The following PDE1C variants were observed in gnomAD, a reference collection of about 807,000 sequenced individuals.
PDE1C encodes phosphodiesterase 1C.
Under a neutral mutation model 93.1 loss-of-function variants are expected in PDE1C, and 62 were observed. The ratio of observed to expected loss-of-function variants is 0.67; its 90% confidence interval spans 0.54 to 0.82. PDE1C has a LOEUF of 0.82. Ranked by LOEUF, PDE1C falls within the 40% of genes least tolerant of loss-of-function variation. The pLI, the probability that PDE1C is intolerant of heterozygous loss-of-function variation, is 0.00. For missense variants in PDE1C, 742 were observed against 884.6 expected, an observed-to-expected ratio of 0.84 and a Z score of 2.04; for synonymous variants, 325 against 310.1, an observed-to-expected ratio of 1.05 and a Z score of -0.50.
At chr7:31,778,391 C>T (rs1783162289) in intron 16 of PDE1C, among the ~76,000 whole-genome samples, 1 of 152,130 alleles carries the variant, frequency 6.6e-6, no homozygotes, top group African/African-American at 2.4e-5. Context: ...TCTCATTTGA[C>T]CTTTGGGATA....
At chr7:31,956,188 G>T (rs1180687452) in intron 2 of PDE1C, among the ~76,000 whole-genome samples, 1 of 152,018 alleles carries the variant, frequency 6.6e-6, no homozygotes, top group African/African-American at 2.4e-5. Flanking sequence ...CCGCCTCCCA[G>T]GTTCAAGTGA....
chr7:31,838,015 T>A (rs780643547), intron 9 of PDE1C, 44 bp from the exon 10 acceptor site: 2 of 1,304,106 alleles, frequency 1.5e-6, no homozygotes, highest in African/African-American at 2.9e-5. Context: ...AAGTCAAAAA[T>A]GGAAAGTAAA....
chr7:31,943,714 G>A (rs976565587), intron 2 of PDE1C, among the ~76,000 whole-genome samples: 4 of 152,106 alleles, frequency 2.6e-5, no homozygotes, highest in Admixed American at 2.0e-4. Context: ...TCAGAGGCAT[G>A]TGAGTGAGGA....
chr7:31,965,334 G>A (rs368912271), intron 2 of PDE1C, among the ~76,000 whole-genome samples: 14 of 152,180 alleles, frequency 9.2e-5, no homozygotes, highest in African/African-American at 1.4e-4. Context: ...TAGCCGATGC[G>A]ATCAACTGGA....
intron 16 of PDE1C, among the ~76,000 whole-genome samples, chr7:31,807,316 C>A (rs1786976168): frequency 6.6e-6 from 1 of 151,810 alleles, no homozygotes; most frequent in African/African-American, 2.4e-5. Flanking sequence ...GCTTACTGCC[C>A]CATGAGATCC....
intron 4 of PDE1C, among the ~76,000 whole-genome samples, chr7:31,878,317 C>T (rs2041515): frequency 0.99 from 151,065 of 152,306 alleles, 74,921 homozygotes; most frequent in East Asian, 1. Context: ...TCACTTCTTC[C>T]GCCAGAGTGA....
chr7:32,032,991 G>A (rs1173904446), intron 2 of PDE1C, among the ~76,000 whole-genome samples: 1 of 152,124 alleles, frequency 6.6e-6, no homozygotes, highest in African/African-American at 2.4e-5. Context: ...ATGAACTGGA[G>A]ATCACAAGCT....
chr7:31,620,399 CTCT>C, the PDE1C span, among the ~76,000 whole-genome samples: 111 of 151,988 alleles, frequency 7.3e-4, 2 homozygotes, highest in South Asian at 0.023. Flanking sequence ...CCGGGTACTC[CTCT>C]GAGACAAAAC....
At chr7:31,731,367 C>T in the PDE1C span, among the ~76,000 whole-genome samples, 1 of 123,990 alleles carries the variant, frequency 8.1e-6, no homozygotes, top group African/African-American at 2.5e-5. Context: ...TTAAGTACAA[C>T]ATTGGGGTGA....
rs1029931959 is a variant in PDE1C, at chr7:32,314,105, A to G, written c.311-104566T>C. ...AATAAAGTGGGCCCACTTTCCCCAG[A>G]AAGGCTCTTTTTATGTGGCTTATTG... On this transcript the variant is annotated intron_variant, in intron 1 of 1. Coordinates refer to the PDE1C transcript ENST00000672256. 4.6e-5 allele frequency among the ~76,000 whole-genome samples: 7 copies of G among 152,130 alleles called. No homozygotes were observed. The East Asian group carries it at 1.4e-3, about 29-fold the overall frequency.
chr7:31,623,794 T>C, the PDE1C span, among the ~76,000 whole-genome samples: 1 of 151,784 alleles, frequency 6.6e-6, no homozygotes, highest in African/African-American at 2.4e-5. Flanking sequence ...GAGAAGGAAA[T>C]AAAGGGTATT....
the PDE1C span, among the ~76,000 whole-genome samples, chr7:31,712,894 C>A: frequency 1.3e-5 from 2 of 152,236 alleles, no homozygotes; most frequent in African/African-American, 4.8e-5. Flanking sequence ...AAGGGAAAGA[C>A]CTGTCCCCAA....
intron 16 of PDE1C, among the ~76,000 whole-genome samples, chr7:31,802,439 T>C (rs1289595426): frequency 6.6e-6 from 1 of 151,702 alleles, no homozygotes; most frequent in Non-Finnish European, 1.5e-5. Context: ...TATTATTTTG[T>C]TTACCTAGTC....
chr7:31,873,152 G>T (rs775142110), intron 6 of PDE1C, 140 bp downstream of exon 6: 39 of 600,574 alleles, frequency 6.5e-5, no homozygotes, highest in Non-Finnish European at 3.5e-5. Flanking sequence ...ATTCACAGCA[G>T]TGGCTATCCG....
Position 31,967,662 on chromosome 7 carries a change from A to G in PDE1C, c.128+83892T>C, listed in dbSNP as rs542537071. Among the ~76,000 whole-genome samples, 82 of 152,310 alleles carry G rather than the reference A, an allele frequency of 5.4e-4. 1 individual carries two copies. The highest frequency in any genetic ancestry group is 1.9e-3 in the African/African-American group (78 of 41,568). ...GCCTGGCAGAGACACAACAAACAAGAGAATTTTAGACCAATATCCTTGATG... is the reference window on the plus strand; with the variant it reads ...GCCTGGCAGAGACACAACAAACAAGGGAATTTTAGACCAATATCCTTGATG... On this transcript the variant is annotated intron_variant, in intron 2 of 17. Coordinates refer to ENST00000396191, the MANE Select transcript of PDE1C (RefSeq NM_001191057.4).
chr7:32,031,451 C>T (rs1790305587), intron 2 of PDE1C, among the ~76,000 whole-genome samples: 1 of 152,142 alleles, frequency 6.6e-6, no homozygotes, highest in Non-Finnish European at 1.5e-5. Context: ...GATGACACCT[C>T]TACACTGCTT....
chr7:31,650,498 G>A, the PDE1C span, among the ~76,000 whole-genome samples: 1 of 152,136 alleles, frequency 6.6e-6, no homozygotes, highest in Non-Finnish European at 1.5e-5. Flanking sequence ...TACATCAGGA[G>A]CAATGGGAAG....
the PDE1C span, among the ~76,000 whole-genome samples, chr7:31,740,387 A>G: frequency 1.4e-4 from 22 of 152,340 alleles, no homozygotes; most frequent in African/African-American, 5.1e-4. Context: ...TAGATATCTA[A>G]TTTATAATCA....
intron 1 of PDE1C, among the ~76,000 whole-genome samples, chr7:32,335,346 A>C (rs957130148): frequency 2.6e-5 from 4 of 152,160 alleles, no homozygotes; most frequent in African/African-American, 9.7e-5. Flanking sequence ...AAGGCCCAGA[A>C]GGCTCTGTGA....
Sources: gnomAD v4.1 joint callset for allele counts (sites outside exome capture counted in the v4.1 genomes callset) on GRCh38, gnomAD v4.1.1 for gene constraint, MANE v1.5 for transcripts, NCBI Gene and HGNC (gene_info 2026-07-23, HGNC 2026-07-21) for gene names.